STK32B: variants seen among roughly 807,000 people sequenced by gnomAD.
STK32B encodes the protein serine/threonine-protein kinase 32B.
In STK32B, 43 loss-of-function variants were observed where a neutral mutation model predicts 52.6. That is an observed-to-expected ratio of 0.82 (90% CI 0.64 to 1.05). STK32B has a LOEUF of 1.05. Ranked by LOEUF, STK32B falls within the 50% of genes least tolerant of loss-of-function variation. STK32B has a pLI of 0.00. For missense variants in STK32B, 621 were observed against 534.6 expected (o/e 1.16, Z -1.59); for synonymous variants, 238 against 204.3 (o/e 1.17, Z -1.41).
chr4:5,036,197 T>C, the STK32B span, among the ~76,000 whole-genome samples: 1 of 152,350 alleles, frequency 6.6e-6, no homozygotes, highest in South Asian at 2.1e-4. Context: ...AATAATACTA[T>C]AGATGTGAAA....
At chr4:5,051,022 G>T (rs1741747487), upstream of STK32B, among the ~76,000 whole-genome samples, 1 of 151,900 alleles carries the variant, frequency 6.6e-6, no homozygotes, top group African/African-American at 2.4e-5. Flanking sequence ...AAAGTAAACA[G>T]ATACTTTCAT....
upstream of STK32B, among the ~76,000 whole-genome samples, chr4:5,046,977 C>G (rs1163669984): frequency 1.3e-5 from 2 of 152,152 alleles, no homozygotes; most frequent in Admixed American, 1.3e-4. Flanking sequence ...ACCCAGCAGT[C>G]AAATTATTGG....
intron 3 of STK32B, among the ~76,000 whole-genome samples, chr4:5,261,907 A>G (rs1280748419): frequency 6.6e-6 from 1 of 152,202 alleles, no homozygotes; most frequent in Non-Finnish European, 1.5e-5. Flanking sequence ...CAGCAGAAAT[A>G]TTCAAATGCA....
At chr4:5,113,438 C>T (rs1714518095) in intron 1 of STK32B, among the ~76,000 whole-genome samples, 2 of 152,132 alleles carry the variant, frequency 1.3e-5, no homozygotes, top group African/African-American at 2.4e-5. Context: ...GAATGCAGCA[C>T]ACAAAGCTTC....
chr4:5,242,912 C>G (rs1486947292), intron 3 of STK32B, among the ~76,000 whole-genome samples: 7 of 152,054 alleles, frequency 4.6e-5, no homozygotes, highest in Admixed American at 2.6e-4. Context: ...ATTTCTGAGG[C>G]CTCTGTTGTG....
At chr4:5,297,657 GGT>G (rs1729293854) in intron 3 of STK32B, among the ~76,000 whole-genome samples, 2 of 144,172 alleles carry the variant, frequency 1.4e-5, no homozygotes, top group African/African-American at 5.1e-5. Flanking sequence ...TTTTTTAACT[GGT>G]TATTCTAGTT....
intron 1 of STK32B, among the ~76,000 whole-genome samples, chr4:5,100,748 TCCTC>T (rs1713727289): frequency 3.3e-5 from 3 of 91,772 alleles, no homozygotes; most frequent in African/African-American, 8.9e-5. Context: ...TCTTCCTCCC[TCCTC>T]CCTCCCTCCT....
chr4:5,090,370 C>CTTTTTT lies in STK32B; in HGVS notation c.52+38472_52+38477dup, dbSNP rs754643704. Among the ~76,000 whole-genome samples the CTTTTTT allele has an allele frequency of 2.3e-3, 128 of 56,540 alleles. 4 individuals carry two copies. The highest frequency in any genetic ancestry group is 3.7e-3 in the African/African-American group (65 of 17,680). The allele number at this position is 56,540 out of a possible 152,430, so 37.1% of individuals were successfully genotyped here. A position where few individuals can be genotyped will look rare whatever the true frequency, so the allele number is the denominator to read the frequency against. On this transcript the variant is annotated intron_variant, in intron 1 of 11. Coordinates refer to ENST00000282908, the MANE Select transcript of STK32B (RefSeq NM_018401.3). ...TTTTACATTTAAGTCTTTAATCCAT[C>CTTTTTT]TTTTTTTTTTTTTTTTTTTTTTCGA...
At position 5,469,164 on chromosome 4, in the gene STK32B, TTG is replaced by T. The variant is rs1210400874; in HGVS notation, c.1106+1095_1106+1096del. Among the ~76,000 whole-genome samples, 1 of 152,050 alleles carries T rather than the reference TTG, an allele frequency of 6.6e-6. No homozygotes were observed. The highest frequency in any genetic ancestry group is 1.5e-5 in the Non-Finnish European group (1 of 68,020). On this transcript the variant is annotated intron_variant, in intron 11 of 11. Transcript: ENST00000282908. This position sits in a 1 kb window ranked among gnomAD's most constrained non-coding sequence, Gnocchi z 4.7. ...CATTGGACCCACACTAAGCCAAGCT[TTG>T]GGTTGGTGGAGGCAAATCAGAGATG...
At chr4:5,350,914 G>A (rs998974194) in intron 4 of STK32B, among the ~76,000 whole-genome samples, 3 of 151,692 alleles carry the variant, frequency 2.0e-5, no homozygotes, top group Non-Finnish European at 4.4e-5. Context: ...TAATGATAAA[G>A]GGCTTAATAT....
intron 1 of STK32B, among the ~76,000 whole-genome samples, chr4:5,081,685 T>C (rs1213822135): frequency 1.3e-5 from 2 of 152,216 alleles, no homozygotes; most frequent in Admixed American, 6.6e-5. Flanking sequence ...GTTGTGTTTT[T>C]CATTTCGTTC....
At chr4:5,174,442 G>T (rs1462196548) in intron 3 of STK32B, among the ~76,000 whole-genome samples, 2 of 151,078 alleles carry the variant, frequency 1.3e-5, no homozygotes, top group Non-Finnish European at 2.9e-5. Context: ...GCTGATACCG[G>T]TTGTTCTTTT....
chr4:5,318,803 GTAT>G (rs1001464685), intron 3 of STK32B, among the ~76,000 whole-genome samples: 1 of 136,892 alleles, frequency 7.3e-6, no homozygotes, highest in African/African-American at 3.5e-5. Context: ...AAAATAGCAA[GTAT>G]TTTTTTTTTT....
At position 5,400,958 on chromosome 4, in the gene STK32B, A is replaced by T. The variant is rs543220403; in HGVS notation, c.472+2714A>T. On this transcript the variant is annotated intron_variant, in intron 5 of 11. Transcript: ENST00000282908. The surrounding 1 kb of genome is among the most constrained non-coding windows in gnomAD (Gnocchi z 6.1). ...AGAGGTCGGGCAGAGGGGAGAGGGA[A>T]AGGTGTGTGCGGGGTTGTCTTAGAG... Among the ~76,000 whole-genome samples, 3 of 152,106 alleles carry T rather than the reference A, an allele frequency of 2.0e-5. No individual in the cohort carries two copies. The East Asian group carries it at 5.8e-4, about 29-fold the overall frequency.
rs78511475 is a variant in STK32B, at chr4:5,248,889, C to T, written c.260+80439C>T. 5.6e-3 allele frequency among the ~76,000 whole-genome samples: 834 copies of T among 148,696 alleles called. 8 individuals carry two copies. The highest frequency in any genetic ancestry group is 0.019 in the Admixed American group (284 of 14,832). On this transcript the variant is annotated intron_variant, in intron 3 of 11. Coordinates refer to ENST00000282908, the MANE Select transcript of STK32B (RefSeq NM_018401.3). ...GAATTGAACAATGAGAACACTTGGA[C>T]GCAGGAAGGGGAACATCACACACTG...
chr4:5,496,015 C>CA (rs1720208694), intron 11 of STK32B, among the ~76,000 whole-genome samples: 1 of 152,186 alleles, frequency 6.6e-6, no homozygotes, highest in East Asian at 1.9e-4. Context: ...TTAGGCTGCT[C>CA]GGGGGCAGGG....
intron 5 of STK32B, among the ~76,000 whole-genome samples, chr4:5,411,840 C>T (rs946125756): frequency 6.6e-6 from 1 of 152,050 alleles, no homozygotes; most frequent in Non-Finnish European, 1.5e-5. Flanking sequence ...TTAACTCACC[C>T]AGTTAAGAGC....
chr4:5,488,913 GTC>G (rs978287496), intron 11 of STK32B, among the ~76,000 whole-genome samples: 1 of 151,704 alleles, frequency 6.6e-6, no homozygotes, highest in African/African-American at 2.4e-5. Flanking sequence ...TATATTTTAT[GTC>G]TGTCTTATAA....
chr4:5,310,668 A>G (rs888269369), intron 3 of STK32B, among the ~76,000 whole-genome samples: 1 of 152,194 alleles, frequency 6.6e-6, no homozygotes, highest in Non-Finnish European at 1.5e-5. Context: ...CTATCATACT[A>G]CCCAACAATC....
Sources: allele counts gnomAD v4.1 joint callset (sites outside exome capture counted in the v4.1 genomes callset), GRCh38; gene constraint gnomAD v4.1.1; non-coding constraint Gnocchi (gnomAD v3.1); transcripts MANE v1.5; gene names NCBI Gene and HGNC (gene_info 2026-07-23, HGNC 2026-07-21).